The following PCGF5 variants were observed in gnomAD, a reference collection of about 807,000 sequenced individuals.
The protein encoded by PCGF5 is polycomb group RING finger protein 5.
In PCGF5, 9 loss-of-function variants were observed where a neutral mutation model predicts 44.3. That is an observed-to-expected ratio of 0.20 (90% confidence interval 0.12 to 0.35). The LOEUF is 0.35. PCGF5 is among the 10% of genes least tolerant of loss of function. PCGF5 has a pLI of 1.00. For synonymous variants in PCGF5, 95 were observed against 102.5 expected (o/e 0.93, Z 0.44); for missense variants, 146 against 305.3 (o/e 0.48, Z 3.89).
chr10:91,283,270 T>G lies in PCGF5; in HGVS notation c.*4954T>G, dbSNP rs1262216031. The stretch of plus-strand genomic sequence containing the variant: ...GCTCGAGCACTTCCTTTCAGAAAGT[T>G]ATAAAATTAAAAATAATTATTTTAA... On this transcript the variant is annotated 3_prime_UTR_variant, in exon 10 of 10. Coordinates refer to ENST00000336126, the MANE Select transcript of PCGF5 (RefSeq NM_032373.5). 6.6e-6 allele frequency: 1 copy of G among 152,228 alleles called. No individual in the cohort carries two copies. Among genetic ancestry groups the G allele is most frequent in the African/African-American group, 2.4e-5 (1 of 41,468 alleles). 9.4% of individuals were successfully genotyped at this position (152,228 alleles called of 1,614,324 possible).
At chr10:91,227,787 C>T in intron 2 of PCGF5, 1 of 992,076 alleles carries the variant, frequency 1.0e-6, no homozygotes, top group Non-Finnish European at 1.2e-6. Flanking sequence ...CTCACACATA[C>T]AAATACTTGG....
chr10:91,234,884 T>G (rs1845113005), intron 2 of PCGF5, among the ~76,000 whole-genome samples: 1 of 152,234 alleles, frequency 6.6e-6, no homozygotes, highest in Non-Finnish European at 1.5e-5. Flanking sequence ...CAACATTATC[T>G]GGAACAACTA....
chr10:91,205,139 T>C (rs1231497651), intron 1 of PCGF5, among the ~76,000 whole-genome samples: 1 of 152,206 alleles, frequency 6.6e-6, no homozygotes, highest in African/African-American at 2.4e-5. Flanking sequence ...GCATAAAATA[T>C]ATTTATCTCT....
At chr10:91,186,530 A>G (rs962060794) in intron 1 of PCGF5, among the ~76,000 whole-genome samples, 4 of 140,624 alleles carry the variant, frequency 2.8e-5, no homozygotes, top group African/African-American at 8.9e-5. Flanking sequence ...TCATATATAT[A>G]TGTGTGTGTG....
chr10:91,187,416 A>G (rs758492080), intron 1 of PCGF5, among the ~76,000 whole-genome samples: 1 of 152,116 alleles, frequency 6.6e-6, no homozygotes, highest in Non-Finnish European at 1.5e-5. Context: ...CTTTGTGGAT[A>G]CAGTCCATAG....
At chr10:91,236,960 A>G (rs1217809979) in intron 2 of PCGF5, among the ~76,000 whole-genome samples, 1 of 152,224 alleles carries the variant, frequency 6.6e-6, no homozygotes, top group African/African-American at 2.4e-5. Context: ...TAAAATAAGG[A>G]GTAAGACATT....
At chr10:91,201,360 A>G (rs1394149669) in intron 1 of PCGF5, among the ~76,000 whole-genome samples, 4 of 152,150 alleles carry the variant, frequency 2.6e-5, no homozygotes, top group African/African-American at 9.7e-5. Flanking sequence ...CCCCAGTGAC[A>G]TTACTAATCT....
chr10:91,237,931 G>A (rs997708985), intron 2 of PCGF5, among the ~76,000 whole-genome samples: 1 of 152,210 alleles, frequency 6.6e-6, no homozygotes, highest in Admixed American at 6.5e-5. Context: ...TCTCCATCTA[G>A]AATAGCACCC....
chr10:91,207,262 A>G (rs1040978702), intron 1 of PCGF5, among the ~76,000 whole-genome samples: 13 of 152,200 alleles, frequency 8.5e-5, no homozygotes, highest in Admixed American at 5.2e-4. Flanking sequence ...GAGTTGTGAG[A>G]TGAGCCATTT....
chr10:91,156,701 C>T, the PCGF5 span, among the ~76,000 whole-genome samples: 1 of 152,112 alleles, frequency 6.6e-6, no homozygotes, highest in Non-Finnish European at 1.5e-5. Flanking sequence ...TTACAAGGTC[C>T]AGGCAGTGCA....
intron 1 of PCGF5, among the ~76,000 whole-genome samples, chr10:91,174,711 A>G (rs1843671298): frequency 6.6e-6 from 1 of 152,236 alleles, no homozygotes; most frequent in Admixed American, 6.5e-5. Flanking sequence ...CTAATCAGGC[A>G]TGTCTGTAAA....
intron 1 of PCGF5, among the ~76,000 whole-genome samples, chr10:91,204,389 G>C (rs189193349): frequency 1.3e-5 from 2 of 151,798 alleles, no homozygotes; most frequent in African/African-American, 4.8e-5. Flanking sequence ...TTGCACTCAA[G>C]TAACTGTCTT....
intron 6 of PCGF5, among the ~76,000 whole-genome samples, chr10:91,252,528 C>G (rs7915050): frequency 0.13 from 19,841 of 151,922 alleles, 2,430 homozygotes; most frequent in African/African-American, 0.32. Flanking sequence ...CTTATACATA[C>G]AAATAGTTAA....
At chr10:91,263,956 C>A (rs908717683) in intron 7 of PCGF5, among the ~76,000 whole-genome samples, 3 of 152,104 alleles carry the variant, frequency 2.0e-5, no homozygotes, top group Non-Finnish European at 4.4e-5. Context: ...CATTAATTTC[C>A]CTCTTCAACC....
chr10:91,263,265 A>T (rs1232860249), intron 7 of PCGF5, among the ~76,000 whole-genome samples: 2 of 152,228 alleles, frequency 1.3e-5, no homozygotes, highest in African/African-American at 2.4e-5. Context: ...AGCAAAATGC[A>T]TCCTAAGTGA....
At chr10:91,216,251 G>A (rs1434784535), upstream of PCGF5, among the ~76,000 whole-genome samples, 1 of 152,206 alleles carries the variant, frequency 6.6e-6, no homozygotes, top group East Asian at 1.9e-4. Flanking sequence ...GCTTTGAGGT[G>A]CCTGAGAAGG....
chr10:91,277,854 G>C (rs1846355103), intron 9 of PCGF5, among the ~76,000 whole-genome samples: 1 of 151,994 alleles, frequency 6.6e-6, no homozygotes, highest in South Asian at 2.1e-4. Context: ...TTGTGATCTA[G>C]TGGGCTCTCA....
In PCGF5 at chr10:91,261,410, C is replaced by G. The variant is rs1285438472; in HGVS notation, c.559C>G (p.Pro187Ala). 1 of 1,473,462 alleles carries G rather than the reference C, an allele frequency of 6.8e-7. No individual in the cohort carries two copies. 91.3% of individuals were successfully genotyped at this position (1,473,462 alleles called of 1,614,324 possible). The change falls in exon 7 of 10, where the codon CCA becomes GCA. Residue 187 changes from proline (P) to alanine (A), a missense_variant. Around this residue, in one of 3 missense-constraint regions of PCGF5, gnomAD observed 123 missense variants for 268.6 expected, o/e 0.46. Coordinates refer to ENST00000336126, the MANE Select transcript of PCGF5 (RefSeq NM_032373.5). ...KKFLSLKLKL[P>A]SSYELDVLCN... The stretch of plus-strand genomic sequence containing the variant: ...ATTTCTAAGTTTAAAACTAAAACTT[C>G]CAAGTTCTTATGAGGTAAGTTAAAT...
rs59684573 is a variant in PCGF5, at chr10:91,275,626, T to TTTTA, written c.724-2643_724-2642insTTTA. Among the ~76,000 whole-genome samples the TTTTA allele has an allele frequency of 2.1e-5, 3 of 142,070 alleles. No homozygotes were observed. In the South Asian group the frequency reaches 6.8e-4, roughly 32 times the overall value. The allele number at this position is 142,070 out of a possible 152,430, so 93.2% of individuals were successfully genotyped here. On this transcript the variant is annotated intron_variant, in intron 9 of 9. Transcript: ENST00000336126. The stretch of plus-strand genomic sequence containing the variant: ...CGGCTAATTTTTTTTTTTTTTTTTT[T>TTTTA]GTATTTTTAGTAGAGGCGGGGTTTC...
Sources: gnomAD v4.1 joint callset for allele counts (sites outside exome capture counted in the v4.1 genomes callset) on GRCh38, gnomAD v4.1.1 for gene constraint, gnomAD v4.1.1 regional missense constraint, MANE v1.5 for transcripts, NCBI Gene and HGNC (gene_info 2026-07-23, HGNC 2026-07-21) for gene names.